The following UBE2J2 variants were observed in gnomAD, a reference collection of about 807,000 sequenced individuals.
UBE2J2 encodes the protein ubiquitin-conjugating enzyme E2 J2.
A neutral mutation model predicts 28.6 loss-of-function variants in UBE2J2; 5 were observed. The observed-to-expected ratio is 0.17, with a 90% CI of 0.09 to 0.37. The LOEUF is 0.37. UBE2J2 is among the 10% of genes least tolerant of loss of function. The pLI is 1.00. For synonymous variants in UBE2J2, 138 were observed against 139.7 expected (o/e 0.99, Z 0.09); for missense variants, 226 against 338.9 (o/e 0.67, Z 2.62).
At chr1:1,258,199 C>T (rs961004703) in intron 3 of UBE2J2, among the ~76,000 whole-genome samples, 3 of 124,326 alleles carry the variant, frequency 2.4e-5, no homozygotes, top group African/African-American at 1.2e-4. Flanking sequence ...GCCACCACAC[C>T]CAGCTAATTT....
In UBE2J2 at chr1:1,255,910, C is replaced by T. The variant is rs151075161; in HGVS notation, c.495+135G>A. The T allele has an allele frequency of 1.7e-3, 1,215 of 721,184 alleles. 9 individuals are homozygous for T. The African/African-American group carries it at 0.019, about 11-fold the overall frequency. The allele number at this position is 721,184 out of a possible 1,614,324, so 44.7% of individuals were successfully genotyped here. A position where few individuals can be genotyped will look rare whatever the true frequency, so the allele number is the denominator to read the frequency against. ...CCCAGGCTTTCTGCCTCCCCTGCCT[C>T]GGGGCTCCTGGGGGAGAGGAGCCAT... On this transcript the variant is annotated intron_variant, in intron 6 of 6. Transcript: ENST00000349431.
chr1:1,269,627 A>AT (rs1167774135), intron 1 of UBE2J2, among the ~76,000 whole-genome samples: 3 of 151,572 alleles, frequency 2.0e-5, no homozygotes, highest in Non-Finnish European at 2.9e-5. Flanking sequence ...TGCCAAGCAA[A>AT]TTTTTTTTGT....
At position 1,268,051 on chromosome 1, in the gene UBE2J2, C is replaced by A; in HGVS notation, c.1-59G>T. The A allele has an allele frequency of 6.3e-7, 1 of 1,594,228 alleles. No individual in the cohort carries two copies. Among genetic ancestry groups the A allele is most frequent in the South Asian group, 1.1e-5 (1 of 90,026 alleles). ...AGCAGCGCCGGCCACAGCTCTCTCC[C>A]CTGGCGCAGCCCCACTCCCGCCTCT... On this transcript the variant is annotated intron_variant, in intron 1 of 6. Transcript: ENST00000349431. This position sits in a 1 kb window ranked among gnomAD's most constrained non-coding sequence, Gnocchi z 4.7.
chr1:1,255,981 G>A, intron 6 of UBE2J2, 64 bp downstream of exon 6: 1 of 1,182,830 alleles, frequency 8.5e-7, no homozygotes, highest in Admixed American at 1.7e-5. Flanking sequence ...TTACTCTTTG[G>A]AAAGAGGTGA....
At chr1:1,271,253 T>C (rs1235911831) in intron 1 of UBE2J2, among the ~76,000 whole-genome samples, 1 of 152,182 alleles carries the variant, frequency 6.6e-6, no homozygotes, top group Non-Finnish European at 1.5e-5. Context: ...GGGCCAGGGA[T>C]CTCCCCTCAG....
intron 1 of UBE2J2, among the ~76,000 whole-genome samples, chr1:1,271,226 T>C (rs541288123): frequency 6.6e-6 from 1 of 152,374 alleles, no homozygotes; most frequent in Admixed American, 6.5e-5. Context: ...CCCCAGCTCC[T>C]GGCTAAAGAA....
intron 3 of UBE2J2, among the ~76,000 whole-genome samples, chr1:1,258,206 ATT>A (rs59549363): frequency 6.7e-6 from 1 of 150,284 alleles, no homozygotes; most frequent in African/African-American, 2.4e-5. Context: ...CACCCAGCTA[ATT>A]TTTTTTTTAA....
chr1:1,271,318 C>T (rs1308090597), intron 1 of UBE2J2, among the ~76,000 whole-genome samples: 1 of 152,282 alleles, frequency 6.6e-6, no homozygotes, highest in African/African-American at 2.4e-5. Flanking sequence ...GCCACACAGG[C>T]TGTCCTTTCG....
intron 3 of UBE2J2, among the ~76,000 whole-genome samples, chr1:1,259,928 G>C (rs1639456357): frequency 1.3e-5 from 2 of 152,328 alleles, no homozygotes; most frequent in South Asian, 4.1e-4. Flanking sequence ...TGGCCTCCCT[G>C]CATGTGTGGC....
chr1:1,260,563 C>T (rs576403185), intron 3 of UBE2J2, among the ~76,000 whole-genome samples: 1 of 152,220 alleles, frequency 6.6e-6, no homozygotes, highest in Non-Finnish European at 1.5e-5. Context: ...GACAAAGGCA[C>T]CAAGAGCCAC....
Position 1,256,179 on chromosome 1 carries a change from A to T in UBE2J2, c.415-54T>A, listed in dbSNP as rs531153659. Reference sequence around the variant, plus strand: ...GAAAACTAATTTCAATTCTTTCAAGATTCTAAAAACAGATGATTTCAAAGT... The same window carrying T: ...GAAAACTAATTTCAATTCTTTCAAGTTTCTAAAAACAGATGATTTCAAAGT... On this transcript the variant is annotated intron_variant, in intron 5 of 6. Transcript: ENST00000349431. 103 of 1,359,240 alleles carry T rather than the reference A, an allele frequency of 7.6e-5. 1 individual carries two copies. Among genetic ancestry groups the T allele is most frequent in the Non-Finnish European group, 1.0e-4 (99 of 955,426 alleles). 84.2% of individuals were successfully genotyped at this position (1,359,240 alleles called of 1,614,324 possible).
In UBE2J2 at chr1:1,254,753, C is replaced by T; in HGVS notation, c.*450G>A. 1 of 162,476 alleles carries T rather than the reference C, an allele frequency of 6.2e-6. No individual in the cohort carries two copies. Among genetic ancestry groups the T allele is most frequent in the Non-Finnish European group, 1.3e-5 (1 of 74,768 alleles). The allele number at this position is 162,476 out of a possible 1,614,324, so 10.1% of individuals were successfully genotyped here. The stretch of plus-strand genomic sequence containing the variant: ...TCACCACACGGCCAGGCCAGACCAG[C>T]ACCCGCGGACGCCAGCTCCACCCCT... On this transcript the variant is annotated 3_prime_UTR_variant, in exon 7 of 7. Transcript: ENST00000349431.
rs376033324 is a variant in UBE2J2 at position 1,268,021 on chromosome 1, C to T, written c.1-29G>A. 1.7e-5 allele frequency: 28 copies of T among 1,608,936 alleles called. No individual in the cohort carries two copies. The Admixed American group carries it at 2.7e-4, about 15-fold the overall frequency. On this transcript the variant is annotated intron_variant, in intron 1 of 6. Coordinates refer to ENST00000349431, the MANE Select transcript of UBE2J2 (RefSeq NM_058167.3). The surrounding 1 kb of genome is among the most constrained non-coding windows in gnomAD (Gnocchi z 4.7). ...TTAAAAGCAACGTCTACACTGACGA[C>T]GAGAAGCAGCGCCGGCCACAGCTCT... is the stretch of plus-strand genomic sequence containing the variant.
chr1:1,260,717 C>T (rs1450303464), intron 3 of UBE2J2, among the ~76,000 whole-genome samples: 1 of 152,254 alleles, frequency 6.6e-6, no homozygotes, highest in Non-Finnish European at 1.5e-5. Context: ...CTACTCTGCC[C>T]CATGGCCTGT....
intron 1 of UBE2J2, among the ~76,000 whole-genome samples, chr1:1,269,463 T>TA (rs928597918): frequency 1.3e-5 from 2 of 151,090 alleles, no homozygotes; most frequent in African/African-American, 4.9e-5. Flanking sequence ...AAACCTTATT[T>TA]TTTTTTTTTT....
intron 2 of UBE2J2, among the ~76,000 whole-genome samples, chr1:1,263,910 T>C (rs1236360766): frequency 6.6e-6 from 1 of 152,076 alleles, no homozygotes; most frequent in African/African-American, 2.4e-5. Context: ...GAGGATCACT[T>C]GAGCCCAGGA....
intron 3 of UBE2J2, among the ~76,000 whole-genome samples, chr1:1,261,791 G>A (rs1332496519): frequency 7.2e-6 from 1 of 137,948 alleles, no homozygotes; most frequent in African/African-American, 2.8e-5. Flanking sequence ...GGACTACAGG[G>A]CCCCACCACC....
At chr1:1,269,895 T>G (rs1640061143) in intron 1 of UBE2J2, among the ~76,000 whole-genome samples, 1 of 152,214 alleles carries the variant, frequency 6.6e-6, no homozygotes, top group Admixed American at 6.5e-5. Context: ...CTTGCTGATA[T>G]GCTTTGGCTA....
At chr1:1,263,247 G>C in intron 3 of UBE2J2, 99 bp downstream of exon 3, 1 of 1,139,624 alleles carries the variant, frequency 8.8e-7, no homozygotes, top group Non-Finnish European at 1.3e-6. Flanking sequence ...ATCCAAAGTA[G>C]AAAGGCTGCT....
Sources: allele counts gnomAD v4.1 joint callset (sites outside exome capture counted in the v4.1 genomes callset), GRCh38; gene constraint gnomAD v4.1.1; non-coding constraint Gnocchi (gnomAD v3.1); transcripts MANE v1.5; gene names NCBI Gene and HGNC (gene_info 2026-07-23, HGNC 2026-07-21).